The following GLIS3 variants were observed in gnomAD, a reference collection of about 807,000 sequenced individuals.
GLIS3 encodes zinc finger protein GLIS3.
Under a neutral mutation model 78.6 loss-of-function variants are expected in GLIS3, and 53 were observed. That is an observed-to-expected ratio of 0.67 (90% CI 0.54 to 0.85). The LOEUF (loss-of-function observed/expected upper bound fraction) is 0.85, where lower values mean the gene tolerates loss of function less well. GLIS3 is among the 40% of genes least tolerant of loss of function. The pLI is 0.00. For missense variants in GLIS3, 1,703 were observed against 1,231.1 expected (o/e 1.38, Z -5.74); for synonymous variants, 684 against 509.9 (o/e 1.34, Z -4.60).
the GLIS3 span, among the ~76,000 whole-genome samples, chr9:4,353,993 A>ATTTTTTTTTTTTTTT: frequency 2.2e-5 from 3 of 135,752 alleles, no homozygotes; most frequent in East Asian, 2.1e-4. Flanking sequence ...ACACCCGGCT[A>ATTTTTTTTTTTTTTT]TTTTTTTTTT....
At position 3,824,168 on chromosome 9, in the gene GLIS3, C is replaced by G. The variant is rs1272668139; in HGVS notation, c.*4104G>C. On this transcript the variant is annotated 3_prime_UTR_variant, in exon 11 of 11. Coordinates refer to ENST00000381971, the MANE Select transcript of GLIS3 (RefSeq NM_001042413.2). ...TTTAATTAAATCTGATGAAATAAAA[C>G]TTCATGTTTTATTTATGGACACTCC... The G allele has an allele frequency of 6.6e-6, 1 of 152,548 alleles. No homozygotes were observed. Among genetic ancestry groups the G allele is most frequent in the Non-Finnish European group, 1.5e-5 (1 of 68,016 alleles). 9.4% of individuals were successfully genotyped at this position (152,548 alleles called of 1,614,324 possible).
At chr9:4,292,384 A>G (rs1466428475) in intron 1 of GLIS3, among the ~76,000 whole-genome samples, 3 of 152,174 alleles carry the variant, frequency 2.0e-5, no homozygotes, top group Non-Finnish European at 4.4e-5. Context: ...GGGTAAGACA[A>G]AAAATATATT....
intron 2 of GLIS3, among the ~76,000 whole-genome samples, chr9:4,201,337 A>G (rs1401408176): frequency 6.6e-6 from 1 of 152,222 alleles, no homozygotes; most frequent in Non-Finnish European, 1.5e-5. Flanking sequence ...TTACCAAACC[A>G]ATCAGACAAG....
intron 4 of GLIS3, among the ~76,000 whole-genome samples, chr9:4,052,892 C>G (rs1470884425): frequency 6.6e-6 from 1 of 152,140 alleles, no homozygotes; most frequent in Non-Finnish European, 1.5e-5. Context: ...TATGGAGGAA[C>G]TGCCAAATGG....
At position 3,825,627 on chromosome 9, in the gene GLIS3, G is replaced by GAA. The variant is rs1817685688; in HGVS notation, c.*2644_*2645insTT. On this transcript the variant is annotated 3_prime_UTR_variant, in exon 11 of 11. Transcript: ENST00000381971. The stretch of plus-strand genomic sequence containing the variant: ...TTTTGAAGTTTCCACTTGTACTGCT[G>GAA]CAAAAATAATGATGAATATATATAT... 3 of 152,158 alleles carry GAA rather than the reference G, an allele frequency of 2.0e-5. No homozygotes were observed. The highest frequency in any genetic ancestry group is 4.4e-5 in the Non-Finnish European group (3 of 68,026). The allele number at this position is 152,158 out of a possible 1,614,324, so 9.4% of individuals were successfully genotyped here.
chr9:4,365,344 T>C, the GLIS3 span, among the ~76,000 whole-genome samples: 4 of 152,006 alleles, frequency 2.6e-5, no homozygotes, highest in African/African-American at 9.7e-5. Context: ...GATCATGAGG[T>C]CAGGAGTTTG....
At chr9:4,169,471 T>G (rs752938736) in intron 2 of GLIS3, among the ~76,000 whole-genome samples, 7 of 152,174 alleles carry the variant, frequency 4.6e-5, no homozygotes, top group Non-Finnish European at 8.8e-5. Flanking sequence ...AGCTACCACT[T>G]AATGTGCCGT....
At chr9:4,439,417 T>A in the GLIS3 span, among the ~76,000 whole-genome samples, 2 of 152,134 alleles carry the variant, frequency 1.3e-5, no homozygotes. Flanking sequence ...TTTCTCTTCT[T>A]CTCCTCCTAT....
the GLIS3 span, among the ~76,000 whole-genome samples, chr9:4,450,455 C>T: frequency 6.6e-6 from 1 of 152,152 alleles, no homozygotes; most frequent in Non-Finnish European, 1.5e-5. Context: ...CATCCCCAAC[C>T]TAGCAAGACA....
chr9:3,986,817 C>T (rs1341125474), intron 4 of GLIS3, among the ~76,000 whole-genome samples: 1 of 152,202 alleles, frequency 6.6e-6, no homozygotes, highest in East Asian at 1.9e-4. Flanking sequence ...TAGGCAAAGA[C>T]CCATGTGCTA....
At chr9:4,313,674 A>G (rs1817397685) in intron 2 of GLIS3, among the ~76,000 whole-genome samples, 1 of 152,130 alleles carries the variant, frequency 6.6e-6, no homozygotes, top group Non-Finnish European at 1.5e-5. Context: ...AGAGTCTCCA[A>G]ACACACCTTG....
chr9:3,962,517 G>A (rs536601934), intron 4 of GLIS3, among the ~76,000 whole-genome samples: 2 of 152,198 alleles, frequency 1.3e-5, no homozygotes, highest in Admixed American at 6.5e-5. Context: ...TGTACATCTG[G>A]CAAAAGGATT....
intron 4 of GLIS3, among the ~76,000 whole-genome samples, chr9:3,953,096 T>C (rs1563885625): frequency 1.3e-5 from 2 of 152,218 alleles, no homozygotes; most frequent in Non-Finnish European, 2.9e-5. Flanking sequence ...TTGAGGGATC[T>C]GCACTACATA....
chr9:3,978,420 TATAC>T (rs1272240935), intron 4 of GLIS3, among the ~76,000 whole-genome samples: 5 of 152,124 alleles, frequency 3.3e-5, no homozygotes, highest in South Asian at 2.1e-4. Context: ...AAAACCATTC[TATAC>T]ATACTGTAAA....
At chr9:3,993,090 G>T (rs935924110) in intron 4 of GLIS3, among the ~76,000 whole-genome samples, 2 of 152,160 alleles carry the variant, frequency 1.3e-5, no homozygotes, top group Non-Finnish European at 2.9e-5. Flanking sequence ...TGGGGAAAAA[G>T]GTTTTTGCAT....
chr9:4,287,810 A>C (rs1338262509), intron 1 of GLIS3, among the ~76,000 whole-genome samples: 3 of 152,280 alleles, frequency 2.0e-5, no homozygotes, highest in African/African-American at 7.2e-5. Context: ...AAAATCAAAA[A>C]TATCTAATTT....
At chr9:4,444,057 G>A in the GLIS3 span, among the ~76,000 whole-genome samples, 1 of 152,140 alleles carries the variant, frequency 6.6e-6, no homozygotes, top group Non-Finnish European at 1.5e-5. Context: ...AAAATAAGGA[G>A]TGGGACCATG....
chr9:3,993,582 A>T (rs923104362), intron 4 of GLIS3, among the ~76,000 whole-genome samples: 1 of 152,230 alleles, frequency 6.6e-6, no homozygotes, highest in Non-Finnish European at 1.5e-5. Context: ...TCCAGGGACA[A>T]GTAAGGAATT....
the GLIS3 span, among the ~76,000 whole-genome samples, chr9:4,470,012 G>C: frequency 1.3e-5 from 2 of 151,786 alleles, no homozygotes; most frequent in Non-Finnish European, 1.5e-5. Context: ...AGAAGAAATG[G>C]ATAAATTCCT....
Sources: gnomAD v4.1 joint callset for allele counts (sites outside exome capture counted in the v4.1 genomes callset) on GRCh38, gnomAD v4.1.1 for gene constraint, MANE v1.5 for transcripts, NCBI Gene and HGNC (gene_info 2026-07-23, HGNC 2026-07-21) for gene names.